Variants in NFATC2 observed in about 807,000 individuals in gnomAD.
NFATC2 encodes the protein nuclear factor of activated T cells 2.
In NFATC2, 22 loss-of-function variants were observed where a neutral mutation model predicts 87.3. The observed-to-expected ratio is 0.25, with a 90% CI of 0.18 to 0.36. The LOEUF is 0.36. Ranked by LOEUF, NFATC2 falls within the 10% of genes least tolerant of loss-of-function variation. NFATC2 has a pLI of 1.00. For synonymous variants in NFATC2, 565 were observed against 542.2 expected, an observed-to-expected ratio of 1.04 and a Z score of -0.58; for missense variants, 1,149 against 1,259.1, an observed-to-expected ratio of 0.91 and a Z score of 1.32.
At chr20:51,409,010 A>T (rs1978796014) in intron 9 of NFATC2, among the ~76,000 whole-genome samples, 1 of 152,164 alleles carries the variant, frequency 6.6e-6, no homozygotes, top group Non-Finnish European at 1.5e-5. Flanking sequence ...CTACATGAAA[A>T]TTTTCTGTTC....
intron 2 of NFATC2, among the ~76,000 whole-genome samples, chr20:51,521,920 G>GA (rs35905392): frequency 2.6e-5 from 4 of 151,918 alleles, no homozygotes; most frequent in Non-Finnish European, 4.4e-5. Flanking sequence ...AAAACATTCA[G>GA]AAAAAAAATT....
At chr20:51,491,114 G>A (rs1220378043) in intron 3 of NFATC2, among the ~76,000 whole-genome samples, 1 of 152,180 alleles carries the variant, frequency 6.6e-6, no homozygotes, top group Non-Finnish European at 1.5e-5. Flanking sequence ...CTGCCCACAA[G>A]CTAGGAGAAT....
At chr20:51,544,561 C>T (rs1350368993), upstream of NFATC2, among the ~76,000 whole-genome samples, 1 of 152,154 alleles carries the variant, frequency 6.6e-6, no homozygotes, top group Non-Finnish European at 1.5e-5. Flanking sequence ...GGGATGCAAC[C>T]ATCAACAAGC....
chr20:51,422,858 T>C (rs1390695191), intron 9 of NFATC2, among the ~76,000 whole-genome samples: 1 of 152,190 alleles, frequency 6.6e-6, no homozygotes, highest in Non-Finnish European at 1.5e-5. Flanking sequence ...AATAATCTAG[T>C]GTATGAAATG....
intron 9 of NFATC2, among the ~76,000 whole-genome samples, chr20:51,431,316 G>A (rs548116492): frequency 3.9e-5 from 6 of 152,148 alleles, no homozygotes; most frequent in Admixed American, 2.0e-4. Context: ...TTAGCAATGC[G>A]GTTTGTCCTT....
intron 6 of NFATC2, among the ~76,000 whole-genome samples, chr20:51,447,234 C>T (rs1364104325): frequency 6.6e-6 from 1 of 152,160 alleles, no homozygotes; most frequent in Non-Finnish European, 1.5e-5. Flanking sequence ...CCCACGCGTC[C>T]TTTCTAAAAA....
chr20:51,398,471 C>G (rs576184050), intron 10 of NFATC2, among the ~76,000 whole-genome samples, 172 bp downstream of exon 10: 1 of 151,998 alleles, frequency 6.6e-6, no homozygotes, highest in Non-Finnish European at 1.5e-5. Context: ...AGGGAGGTCC[C>G]CAGGAGTGTC....
Position 51,522,956 on chromosome 20 carries a change from C to A in NFATC2, c.1160+125G>T, listed in dbSNP as rs2076472974. 2.2e-6 allele frequency: 3 copies of A among 1,359,176 alleles called. No individual in the cohort carries two copies. The South Asian group carries it at 4.1e-5, about 19-fold the overall frequency. 84.2% of individuals were successfully genotyped at this position (1,359,176 alleles called of 1,614,324 possible). On this transcript the variant is annotated intron_variant, in intron 2 of 10. Transcript: ENST00000371564. The stretch of plus-strand genomic sequence containing the variant: ...TCAGGGTCTCGCAACCAGCAAGGGG[C>A]CAAGCCAAGATTTAAATCCATTTAA...
At chr20:51,408,367 A>T (rs1978656175) in intron 9 of NFATC2, among the ~76,000 whole-genome samples, 1 of 151,922 alleles carries the variant, frequency 6.6e-6, no homozygotes, top group African/African-American at 2.4e-5. Context: ...TACAAAAATT[A>T]GCCGGGTGTG....
At chr20:51,490,526 T>C (rs1013965865) in intron 3 of NFATC2, among the ~76,000 whole-genome samples, 1 of 152,228 alleles carries the variant, frequency 6.6e-6, no homozygotes, top group African/African-American at 2.4e-5. Flanking sequence ...CTCTCCACAA[T>C]TTAAATTCAT....
intron 3 of NFATC2, among the ~76,000 whole-genome samples, chr20:51,491,570 GGGA>G (rs1346572014): frequency 2.0e-5 from 3 of 152,158 alleles, no homozygotes; most frequent in African/African-American, 7.2e-5. Context: ...ATATGGAGCT[GGGA>G]GGAGAAGTGC....
intron 5 of NFATC2, among the ~76,000 whole-genome samples, chr20:51,455,003 G>T (rs1002892563): frequency 1.3e-5 from 2 of 152,228 alleles, no homozygotes; most frequent in African/African-American, 4.8e-5. Flanking sequence ...AGGTACATGA[G>T]AATTGGTTTT....
intron 9 of NFATC2, among the ~76,000 whole-genome samples, chr20:51,406,492 G>A (rs965170065): frequency 1.3e-5 from 2 of 152,196 alleles, no homozygotes; most frequent in African/African-American, 2.4e-5. Flanking sequence ...TGCCAAGCCC[G>A]GTACACATCT....
At chr20:51,472,637 T>C (rs1240377144) in intron 5 of NFATC2, among the ~76,000 whole-genome samples, 4 of 141,498 alleles carry the variant, frequency 2.8e-5, no homozygotes, top group Non-Finnish European at 6.2e-5. Context: ...TTCTTTTTTT[T>C]TTTTTTTTTT....
At chr20:51,557,921 A>G (rs935682386) in intron 1 of NFATC2, among the ~76,000 whole-genome samples, 8 of 152,200 alleles carry the variant, frequency 5.3e-5, no homozygotes, top group African/African-American at 1.9e-4. Flanking sequence ...TCAGATAATT[A>G]CCATCAGTGT....
At chr20:51,422,258 C>G (rs1437653774) in intron 9 of NFATC2, among the ~76,000 whole-genome samples, 3 of 152,190 alleles carry the variant, frequency 2.0e-5, no homozygotes, top group Non-Finnish European at 2.9e-5. Context: ...CTTCGGCTGC[C>G]TTGCCAGAGA....
chr20:51,498,143 G>A (rs1399375403), intron 3 of NFATC2, among the ~76,000 whole-genome samples: 2 of 152,070 alleles, frequency 1.3e-5, no homozygotes, highest in African/African-American at 2.4e-5. Context: ...GAACTGAACC[G>A]GTCCTTCTGA....
chr20:51,472,449 T>C (rs1398298145), intron 5 of NFATC2, among the ~76,000 whole-genome samples: 2 of 151,920 alleles, frequency 1.3e-5, no homozygotes, highest in African/African-American at 4.8e-5. Context: ...AGGAAGTTGA[T>C]ATTGTGACAC....
rs1035387379 is a variant in NFATC2 at position 51,480,436 on chromosome 20, C to G, written c.1333-4776G>C. On this transcript the variant is annotated intron_variant, in intron 3 of 10. Coordinates refer to ENST00000371564, the MANE Select transcript of NFATC2 (RefSeq NM_012340.5). The surrounding 1 kb of genome is among the most constrained non-coding windows in gnomAD (Gnocchi z 4.2). Reference sequence around the variant, plus strand: ...CGGTAGTTCCTTGAGAGAAAAACCTCTTTAGGAAAGCCAAGAATGGCCTCT... The same window carrying G: ...CGGTAGTTCCTTGAGAGAAAAACCTGTTTAGGAAAGCCAAGAATGGCCTCT... 4.6e-5 allele frequency among the ~76,000 whole-genome samples: 7 copies of G among 152,140 alleles called. No individual in the cohort carries two copies. The highest frequency in any genetic ancestry group is 3.9e-4 in the Admixed American group (6 of 15,268).
Sources: allele counts gnomAD v4.1 joint callset (sites outside exome capture counted in the v4.1 genomes callset), GRCh38; gene constraint gnomAD v4.1.1; non-coding constraint Gnocchi (gnomAD v3.1); transcripts MANE v1.5; gene names NCBI Gene and HGNC (gene_info 2026-07-23, HGNC 2026-07-21).